The following ZFHX3 variants were observed in gnomAD, a reference collection of about 807,000 sequenced individuals.
The protein encoded by ZFHX3 is zinc finger homeobox protein 3.
Under a neutral mutation model 279.1 loss-of-function variants are expected in ZFHX3, and 42 were observed. The observed-to-expected ratio is 0.15, with a 90% CI of 0.12 to 0.19. ZFHX3 has a LOEUF of 0.19. Ranked by LOEUF, ZFHX3 falls within the 10% of genes least tolerant of loss-of-function variation. The pLI is 1.00. For synonymous variants in ZFHX3, 2,293 were observed against 1,957.8 expected (o/e 1.17, Z -4.52); for missense variants, 4,981 against 4,754.0 (o/e 1.05, Z -1.40).
chr16:72,999,592 G>A (rs953492508), intron 1 of ZFHX3, among the ~76,000 whole-genome samples: 4 of 152,266 alleles, frequency 2.6e-5, no homozygotes, highest in East Asian at 1.9e-4. Flanking sequence ...AGAAAACTTC[G>A]CAGGCTCAGT....
chr16:73,878,394 C>T (rs2030023637), intron 1 of ZFHX3, among the ~76,000 whole-genome samples: 1 of 151,992 alleles, frequency 6.6e-6, no homozygotes, highest in Non-Finnish European at 1.5e-5. Context: ...CCAAGAAGAA[C>T]CTATTGTATC....
At chr16:72,789,587 C>T (rs2035610654) in intron 9 of ZFHX3, 1 of 152,322 alleles carries the variant, frequency 6.6e-6, no homozygotes, top group Non-Finnish European at 1.5e-5. Flanking sequence ...TCCTCTCTGA[C>T]CTCTGTTGCT....
intron 3 of ZFHX3, among the ~76,000 whole-genome samples, chr16:72,919,414 G>A (rs1329992154): frequency 6.6e-6 from 1 of 152,090 alleles, no homozygotes; most frequent in Admixed American, 6.5e-5. Context: ...ATCTGCCTTG[G>A]CCTCCCAAAG....
At chr16:73,516,823 G>T (rs761153359) in intron 2 of ZFHX3, among the ~76,000 whole-genome samples, 37 of 152,144 alleles carry the variant, frequency 2.4e-4, no homozygotes, top group Non-Finnish European at 4.1e-4. Flanking sequence ...TGAATAGTTT[G>T]GGTGGATGGA....
rs1304425852 is a variant in ZFHX3 at position 72,795,923 on chromosome 16, C to T, written c.6759G>A (p.Gln2253=). The part of the protein sequence containing the change: ...RSSRTRFTDY[Q]LRVLQDFFDA... ...CGAAGAAGTCCTGTAAGACCCTCAG[C>T]TGGTAGTCCGTAAACCTTGTTCTTG... is the stretch of plus-strand genomic sequence containing the variant. The change falls in exon 9 of 10, where the codon CAG becomes CAA. Residue 2253 remains glutamine (Q), a synonymous_variant. Coordinates refer to ENST00000268489, the MANE Select transcript of ZFHX3 (RefSeq NM_006885.4). 6.2e-7 allele frequency: 1 copy of T among 1,614,172 alleles called. No individual in the cohort carries two copies. Among genetic ancestry groups the T allele is most frequent in the East Asian group, 2.2e-5 (1 of 44,866 alleles).
chr16:73,145,376 A>G (rs1966858534), intron 5 of ZFHX3, among the ~76,000 whole-genome samples: 1 of 152,234 alleles, frequency 6.6e-6, no homozygotes, highest in Non-Finnish European at 1.5e-5. Context: ...GCTGGCTAAT[A>G]GAGTGTCAGC....
chr16:73,162,882 G>C (rs62052412), intron 5 of ZFHX3, among the ~76,000 whole-genome samples: 1,627 of 152,284 alleles, frequency 0.011, 18 homozygotes, highest in Middle Eastern at 0.027. Context: ...AAGAATGGTG[G>C]TCATCTGTGA....
intron 3 of ZFHX3, among the ~76,000 whole-genome samples, chr16:73,384,096 C>A (rs1413937245): frequency 6.6e-6 from 1 of 152,236 alleles, no homozygotes; most frequent in Admixed American, 6.5e-5. Context: ...AGGCAACAAC[C>A]ATGTGAATTC....
chr16:72,934,008 TGG>T (rs1383863004), intron 3 of ZFHX3, among the ~76,000 whole-genome samples: 2 of 151,878 alleles, frequency 1.3e-5, no homozygotes, highest in East Asian at 3.9e-4. Flanking sequence ...TTAGTAGAGA[TGG>T]GGTTTCACCG....
chr16:72,805,970 G>A (rs1361216913), intron 7 of ZFHX3: 2 of 152,054 alleles, frequency 1.3e-5, no homozygotes, highest in East Asian at 3.9e-4. Context: ...GCTCGCTACA[G>A]GCTCAAACTG....
At chr16:73,224,722 C>G (rs9930600) in intron 5 of ZFHX3, among the ~76,000 whole-genome samples, 9,761 of 152,186 alleles carry the variant, frequency 0.064, 994 homozygotes, top group African/African-American at 0.21. Flanking sequence ...AACACAGGCT[C>G]ATGTATGGAA....
At chr16:73,795,761 C>T (rs896761532) in intron 1 of ZFHX3, among the ~76,000 whole-genome samples, 2 of 152,176 alleles carry the variant, frequency 1.3e-5, no homozygotes, top group Non-Finnish European at 2.9e-5. Flanking sequence ...AATTCTTTGA[C>T]AACAGATGTT....
intron 1 of ZFHX3, among the ~76,000 whole-genome samples, chr16:73,714,507 C>T (rs1229880812): frequency 6.6e-6 from 1 of 152,158 alleles, no homozygotes; most frequent in Non-Finnish European, 1.5e-5. Context: ...GTATTTGTGT[C>T]CTCAAGTCTC....
At chr16:73,054,442 AT>A (rs34141418) in intron 1 of ZFHX3, among the ~76,000 whole-genome samples, 6,434 of 91,642 alleles carry the variant, frequency 0.07, 209 homozygotes, top group Non-Finnish European at 0.11. Flanking sequence ...AACCAGGAGG[AT>A]TTTTTTTTTT....
intron 1 of ZFHX3, among the ~76,000 whole-genome samples, chr16:73,724,863 C>A (rs575737963): frequency 2.6e-5 from 4 of 152,344 alleles, no homozygotes; most frequent in African/African-American, 9.6e-5. Flanking sequence ...ATCCCCTCCT[C>A]CACCCCTACC....
intron 2 of ZFHX3, among the ~76,000 whole-genome samples, chr16:73,484,837 G>A (rs556650740): frequency 3.4e-4 from 52 of 152,182 alleles, no homozygotes; most frequent in African/African-American, 1.0e-3. Flanking sequence ...TGCATGGTTC[G>A]CATTTTATTT....
chr16:73,725,738 C>A (rs1242562763), intron 1 of ZFHX3, among the ~76,000 whole-genome samples: 1 of 152,084 alleles, frequency 6.6e-6, no homozygotes, highest in Admixed American at 6.6e-5. Context: ...ATGATGTAAG[C>A]CACTTGGAAG....
At chr16:72,923,735 T>A (rs568775481) in intron 3 of ZFHX3, among the ~76,000 whole-genome samples, 1 of 74,664 alleles carries the variant, frequency 1.3e-5, no homozygotes, top group East Asian at 2.4e-4. Context: ...TCCTTGGTAG[T>A]AGATGAAGTA....
intron 2 of ZFHX3, among the ~76,000 whole-genome samples, chr16:73,646,990 A>C (rs1379912961): frequency 6.7e-6 from 1 of 150,232 alleles, no homozygotes; most frequent in Non-Finnish European, 1.5e-5. Context: ...ATTAGGACAA[A>C]TGGCAGTACT....
Sources: allele counts gnomAD v4.1 joint callset (sites outside exome capture counted in the v4.1 genomes callset), GRCh38; gene constraint gnomAD v4.1.1; transcripts MANE v1.5; gene names NCBI Gene and HGNC (gene_info 2026-07-23, HGNC 2026-07-21).